Variants in BLTP1 observed in about 807,000 individuals in gnomAD.
BLTP1 encodes bridge-like lipid transfer protein family member 1, also known as fragile site-associated protein.
chr4:122,198,311 G>A, the BLTP1 span: 1 of 985,158 alleles, frequency 1.0e-6, no homozygotes, highest in Non-Finnish European at 1.2e-6. Context: ...GATTCTCTAG[G>A]AGTGCTAATT....
chr4:122,231,900 T>G, the BLTP1 span: 1 of 829,360 alleles, frequency 1.2e-6, no homozygotes. Context: ...ATCTTTTAAA[T>G]TAATTGAGGA....
chr4:122,347,330 C>T, the BLTP1 span: 1 of 871,486 alleles, frequency 1.1e-6, no homozygotes. Flanking sequence ...CTGTTTTGCT[C>T]TTTTCATGGA....
the BLTP1 span, chr4:122,274,281 T>G: frequency 9.2e-3 from 8,484 of 922,464 alleles, 502 homozygotes; most frequent in African/African-American, 0.13. Context: ...AATGTAATTT[T>G]AATATGAAAT....
the BLTP1 span, chr4:122,256,129 A>G: frequency 1.2e-4 from 120 of 984,840 alleles, 1 homozygote; most frequent in Non-Finnish European, 1.4e-5. Context: ...TTGCTGGCCA[A>G]TAGGGGACAC....
At chr4:122,166,015 C>T in the BLTP1 span, among the ~76,000 whole-genome samples, 146 of 152,068 alleles carry the variant, frequency 9.6e-4, no homozygotes, top group African/African-American at 3.4e-3. Context: ...TTCTCCCATT[C>T]TGTAAGTTGC....
chr4:122,316,497 T>TC, the BLTP1 span: 12 of 521,108 alleles, frequency 2.3e-5, no homozygotes, highest in Non-Finnish European at 4.2e-5. Context: ...GGGGCTCCCC[T>TC]CAGTCTAGCC....
the BLTP1 span, among the ~76,000 whole-genome samples, chr4:122,314,585 A>C: frequency 6.6e-6 from 1 of 152,112 alleles, no homozygotes; most frequent in Non-Finnish European, 1.5e-5. Context: ...AAATGTTGAG[A>C]GAGGTAGAAA....
the BLTP1 span, chr4:122,277,431 G>A: frequency 1.0e-6 from 1 of 981,950 alleles, no homozygotes; most frequent in Non-Finnish European, 1.2e-6. Flanking sequence ...TCCTATCTGT[G>A]GAATTCCACA....
At chr4:122,289,241 T>C in the BLTP1 span, 1 of 1,316,720 alleles carries the variant, frequency 7.6e-7, no homozygotes, top group Non-Finnish European at 1.1e-6. Context: ...TTTATTCTCA[T>C]TGAGCGTGTG....
At chr4:122,209,754 G>A in the BLTP1 span, 1 of 1,560,560 alleles carries the variant, frequency 6.4e-7, no homozygotes, top group Non-Finnish European at 8.6e-7. Context: ...ATCTGCAACT[G>A]GTATCTCTGT....
At chr4:122,294,115 G>C in the BLTP1 span, among the ~76,000 whole-genome samples, 1 of 152,084 alleles carries the variant, frequency 6.6e-6, no homozygotes, top group South Asian at 2.1e-4. Context: ...ACAGAACTCT[G>C]ATCTCTCCCT....
the BLTP1 span, chr4:122,266,681 C>A: frequency 9.8e-7 from 1 of 1,024,020 alleles, no homozygotes; most frequent in Non-Finnish European, 1.4e-6. Flanking sequence ...ATAATATGTA[C>A]TGAGGTAGGG....
chr4:122,237,005 A>G, the BLTP1 span: 2 of 985,274 alleles, frequency 2.0e-6, no homozygotes, highest in Non-Finnish European at 2.4e-6. Flanking sequence ...GTCAGTGAGC[A>G]CTATGTTCCT....
chr4:122,244,179 T>C, the BLTP1 span: 2 of 833,700 alleles, frequency 2.4e-6, no homozygotes, highest in Non-Finnish European at 3.3e-6. Context: ...ATAGCTATTT[T>C]GATTGAATAA....
At chr4:122,292,792 G>A in the BLTP1 span, 16 of 184,704 alleles carry the variant, frequency 8.7e-5, no homozygotes, top group African/African-American at 3.3e-4. Context: ...GAGACACATC[G>A]AAGTTATTTA....
the BLTP1 span, among the ~76,000 whole-genome samples, chr4:122,233,263 T>C: frequency 6.6e-6 from 1 of 152,250 alleles, no homozygotes; most frequent in Non-Finnish European, 1.5e-5. Flanking sequence ...GTAACTTGTG[T>C]AGTCCACATT....
chr4:122,224,735 CT>C, the BLTP1 span: 8,732 of 1,612,670 alleles, frequency 5.4e-3, 36 homozygotes, highest in Admixed American at 6.9e-3. Flanking sequence ...CTCTACCCAC[CT>C]TCTCAAGAAT....
the BLTP1 span, chr4:122,274,254 GAATAT>G: frequency 2.5e-6 from 2 of 795,186 alleles, no homozygotes; most frequent in Non-Finnish European, 4.0e-6. Flanking sequence ...TTTTGCTACT[GAATAT>G]ATTATGAATA....
chr4:122,204,928 C>T, the BLTP1 span: 3 of 433,378 alleles, frequency 6.9e-6, no homozygotes, highest in African/African-American at 6.4e-5. Context: ...TTTCTGTTGT[C>T]TATTAATAGA....
Sources: allele counts gnomAD v4.1 joint callset (sites outside exome capture counted in the v4.1 genomes callset), GRCh38; gene constraint gnomAD v4.1.1; transcripts MANE v1.5; gene names NCBI Gene and HGNC (gene_info 2026-07-23, HGNC 2026-07-21).